The following C12orf42 variants were observed in gnomAD, a reference collection of about 807,000 sequenced individuals.
The protein encoded by C12orf42 is uncharacterized protein C12orf42.
Under a neutral mutation model 21.6 loss-of-function variants are expected in C12orf42, and 25 were observed. The ratio of observed to expected loss-of-function variants is 1.16; its 90% confidence interval spans 0.84 to 1.62. The LOEUF (loss-of-function observed/expected upper bound fraction) is 1.62, where lower values mean the gene tolerates loss of function less well. Ranked by LOEUF, C12orf42 falls within the 40% of genes most tolerant of loss-of-function variation. C12orf42 has a pLI of 0.00. For missense variants in C12orf42, 483 were observed against 459.3 expected, an observed-to-expected ratio of 1.05 and a Z score of -0.47; for synonymous variants, 174 against 175.0, an observed-to-expected ratio of 0.99 and a Z score of 0.05.
At chr12:103,227,254 G>C in the C12orf42 span, among the ~76,000 whole-genome samples, 4 of 152,040 alleles carry the variant, frequency 2.6e-5, no homozygotes, top group Non-Finnish European at 4.4e-5. Context: ...CAGGGGTTGG[G>C]GCTCAGAGAT....
chr12:103,284,427 A>G (rs1184376515), intron 4 of C12orf42, among the ~76,000 whole-genome samples: 2 of 152,208 alleles, frequency 1.3e-5, no homozygotes, highest in Non-Finnish European at 2.9e-5. Context: ...TGGAGACACA[A>G]GGATGAGTGA....
At chr12:103,397,334 C>G (rs2047618431) in intron 3 of C12orf42, among the ~76,000 whole-genome samples, 1 of 152,146 alleles carries the variant, frequency 6.6e-6, no homozygotes, top group African/African-American at 2.4e-5. Context: ...TCAGGGGTTC[C>G]CAAGCCCCAG....
intron 2 of C12orf42, among the ~76,000 whole-genome samples, chr12:103,404,190 G>A (rs1393098784): frequency 1.3e-5 from 2 of 152,182 alleles, no homozygotes; most frequent in African/African-American, 2.4e-5. Context: ...GGAGGTATCT[G>A]CAGGAAGAAG....
At chr12:103,349,823 G>A (rs988792375) in intron 4 of C12orf42, among the ~76,000 whole-genome samples, 1 of 152,104 alleles carries the variant, frequency 6.6e-6, no homozygotes, top group African/African-American at 2.4e-5. Context: ...AACATATCAA[G>A]TAAATGTTCT....
At chr12:103,321,859 C>T (rs1414210942) in intron 4 of C12orf42, among the ~76,000 whole-genome samples, 2 of 142,668 alleles carry the variant, frequency 1.4e-5, no homozygotes, top group African/African-American at 2.6e-5. Flanking sequence ...ACTCTGGGGC[C>T]TGTTGTGGGG....
At chr12:103,270,997 C>T (rs2035443344) in intron 5 of C12orf42, among the ~76,000 whole-genome samples, 1 of 151,994 alleles carries the variant, frequency 6.6e-6, no homozygotes, top group Non-Finnish European at 1.5e-5. Flanking sequence ...AACCAATAAT[C>T]CAGAAATGTG....
At chr12:103,140,835 C>A in the C12orf42 span, among the ~76,000 whole-genome samples, 2 of 152,098 alleles carry the variant, frequency 1.3e-5, no homozygotes, top group Admixed American at 1.3e-4. Context: ...GGGAGACACA[C>A]ACACACAGAC....
At chr12:103,203,619 C>G in the C12orf42 span, among the ~76,000 whole-genome samples, 1 of 152,154 alleles carries the variant, frequency 6.6e-6, no homozygotes, top group South Asian at 2.1e-4. Flanking sequence ...CAAGGACACA[C>G]AGATAAGACA....
the C12orf42 span, among the ~76,000 whole-genome samples, chr12:103,530,401 GA>G: frequency 2.6e-5 from 4 of 152,178 alleles, no homozygotes; most frequent in African/African-American, 9.7e-5. Context: ...ACTCTCTCCA[GA>G]TCGCCCCTGC....
chr12:103,161,013 G>A, the C12orf42 span, among the ~76,000 whole-genome samples: 6 of 152,136 alleles, frequency 3.9e-5, no homozygotes, highest in Non-Finnish European at 8.8e-5. Context: ...TATGTGAAAC[G>A]TTGAGCATAA....
chr12:103,554,520 C>T, the C12orf42 span, among the ~76,000 whole-genome samples: 1 of 151,556 alleles, frequency 6.6e-6, no homozygotes, highest in African/African-American at 2.4e-5. Flanking sequence ...TTTGGGGGTG[C>T]ATTAGTTTGT....
At chr12:103,219,442 G>A in the C12orf42 span, among the ~76,000 whole-genome samples, 1 of 152,150 alleles carries the variant, frequency 6.6e-6, no homozygotes, top group Non-Finnish European at 1.5e-5. Flanking sequence ...CTTCTGCACA[G>A]CAAAAGAAAC....
At chr12:103,392,100 A>G (rs1024348687) in intron 3 of C12orf42, among the ~76,000 whole-genome samples, 3 of 152,194 alleles carry the variant, frequency 2.0e-5, no homozygotes, top group Admixed American at 6.5e-5. Flanking sequence ...CCATTGAATG[A>G]TCTTGGCATT....
At chr12:103,165,919 T>C in the C12orf42 span, among the ~76,000 whole-genome samples, 2 of 151,880 alleles carry the variant, frequency 1.3e-5, no homozygotes, top group Non-Finnish European at 2.9e-5. Flanking sequence ...CGGGTGCCTG[T>C]AGTCCCAGCT....
chr12:103,052,354 T>C, the C12orf42 span, among the ~76,000 whole-genome samples: 1 of 152,170 alleles, frequency 6.6e-6, no homozygotes, highest in East Asian at 1.9e-4. Context: ...CAATTCTTGG[T>C]ATTTTAATGT....
At chr12:103,114,182 T>C in the C12orf42 span, among the ~76,000 whole-genome samples, 1 of 152,346 alleles carries the variant, frequency 6.6e-6, no homozygotes, top group South Asian at 2.1e-4. Flanking sequence ...GTTAAAGTGT[T>C]TCAATAAAGT....
the C12orf42 span, among the ~76,000 whole-genome samples, chr12:103,142,361 A>T: frequency 1.3e-5 from 2 of 152,242 alleles, no homozygotes; most frequent in Non-Finnish European, 2.9e-5. Context: ...CTTCTTACAG[A>T]TAACCACTTA....
At chr12:103,053,541 C>T in the C12orf42 span, among the ~76,000 whole-genome samples, 3 of 151,900 alleles carry the variant, frequency 2.0e-5, no homozygotes, top group Non-Finnish European at 2.9e-5. Context: ...TTCTCCTGGT[C>T]TGTAGTTTAA....
chr12:103,085,266 G>A, the C12orf42 span, among the ~76,000 whole-genome samples: 5 of 152,240 alleles, frequency 3.3e-5, no homozygotes, highest in South Asian at 8.3e-4. Flanking sequence ...TTCTAAGAGA[G>A]TCTCTTAGGT....
Sources: gnomAD v4.1 joint callset for allele counts (sites outside exome capture counted in the v4.1 genomes callset) on GRCh38, gnomAD v4.1.1 for gene constraint, MANE v1.5 for transcripts, NCBI Gene and HGNC (gene_info 2026-07-23, HGNC 2026-07-21) for gene names.